The following GMDS variants were observed in gnomAD, a reference collection of about 807,000 sequenced individuals.
GMDS encodes GDP-mannose 4,6 dehydratase.
In GMDS, 20 loss-of-function variants were observed where a neutral mutation model predicts 49.9. The observed-to-expected ratio is 0.40, with a 90% CI of 0.28 to 0.58. The LOEUF is 0.58. Among genes scored for constraint, GMDS ranks in the 20% least tolerant of loss-of-function variants. GMDS has a pLI of 0.42. For synonymous variants in GMDS, 177 were observed against 178.6 expected (o/e 0.99, Z 0.07); for missense variants, 362 against 481.4 (o/e 0.75, Z 2.32).
rs555158569 is a variant in GMDS at position 1,833,157 on chromosome 6, T to C, written c.772-90571A>G. Among the ~76,000 whole-genome samples the C allele has an allele frequency of 1.4e-5, 2 of 143,646 alleles. No individual in the cohort carries two copies. Among genetic ancestry groups the C allele is most frequent in the Admixed American group, 7.2e-5 (1 of 13,844 alleles). The allele number at this position is 143,646 out of a possible 152,430, so 94.2% of individuals were successfully genotyped here. On this transcript the variant is annotated intron_variant, in intron 7 of 10. Coordinates refer to ENST00000380815, the MANE Select transcript of GMDS (RefSeq NM_001500.4). This position sits in a 1 kb window ranked among gnomAD's most constrained non-coding sequence, Gnocchi z 4.4. ...TTTTTTTTTTTTTTTTTTAAACTAA[T>C]GCACTGGAAGGGGGCAAAGGGTGGC...
chr6:1,846,158 T>A, intron 7 of GMDS, among the ~76,000 whole-genome samples: 1 of 143,640 alleles, frequency 7.0e-6, no homozygotes, highest in Admixed American at 7.2e-5. Context: ...AGTGCCACAA[T>A]CACAGCTCAA....
rs184806605 is a variant in GMDS, at chr6:1,826,807, C to T, written c.772-84221G>A. The stretch of plus-strand genomic sequence containing the variant: ...TCTGGCTGGGTGTGGTGGCTCATGC[C>T]TGTAATACCAGTGTTTAGAGAGGCT... On this transcript the variant is annotated intron_variant, in intron 7 of 10. Transcript: ENST00000380815. Among the ~76,000 whole-genome samples, 14 of 152,106 alleles carry T rather than the reference C, an allele frequency of 9.2e-5. No individual in the cohort carries two copies. The East Asian group carries it at 2.7e-3, about 29-fold the overall frequency.
intron 7 of GMDS, among the ~76,000 whole-genome samples, chr6:1,908,735 T>C (rs561760428): frequency 6.6e-6 from 1 of 152,336 alleles, no homozygotes; most frequent in African/African-American, 2.4e-5. Flanking sequence ...GGTAAGCTCT[T>C]CCCTACGGCT....
intron 9 of GMDS, among the ~76,000 whole-genome samples, chr6:1,654,397 G>C (rs1342837000): frequency 1.3e-5 from 2 of 152,184 alleles, no homozygotes; most frequent in Non-Finnish European, 2.9e-5. Flanking sequence ...ACAGACTGTG[G>C]TAATATTTGC....
chr6:1,850,476 T>C (rs1172912128), intron 7 of GMDS, among the ~76,000 whole-genome samples: 2 of 152,230 alleles, frequency 1.3e-5, no homozygotes, highest in African/African-American at 4.8e-5. Context: ...TCAGTGTATT[T>C]GATGAGCCTT....
chr6:1,976,188 G>T (rs111727193), intron 4 of GMDS, among the ~76,000 whole-genome samples: 7 of 132,524 alleles, frequency 5.3e-5, no homozygotes, highest in African/African-American at 1.8e-4. Flanking sequence ...CCTGAATGAG[G>T]GTATACTCTT....
intron 9 of GMDS, among the ~76,000 whole-genome samples, chr6:1,687,551 CACCGTCCTTCTCCTGTGTTCCAGG>C: frequency 3.1e-4 from 1 of 3,182 alleles, no homozygotes; most frequent in Non-Finnish European, 1.0e-3. Flanking sequence ...GTGTTCCAGG[CACCGTCCTTCTCCTGTGTTCCAGG>C]CACCGTCCTT....
intron 7 of GMDS, among the ~76,000 whole-genome samples, chr6:1,897,867 C>T (rs1331958516): frequency 6.6e-6 from 1 of 152,236 alleles, no homozygotes; most frequent in East Asian, 1.9e-4. Context: ...GCAAAAGAAG[C>T]TCCTGATAAC....
intron 7 of GMDS, among the ~76,000 whole-genome samples, chr6:1,909,014 G>A (rs999660762): frequency 3.9e-5 from 6 of 152,266 alleles, no homozygotes; most frequent in South Asian, 2.1e-4. Context: ...AAAAGGCTAC[G>A]TAGATGAAAG....
At chr6:1,921,239 C>T (rs926487825) in intron 7 of GMDS, among the ~76,000 whole-genome samples, 1 of 152,190 alleles carries the variant, frequency 6.6e-6, no homozygotes, top group African/African-American at 2.4e-5. Flanking sequence ...ATGACATATG[C>T]TCAATTTTAT....
chr6:1,660,784 T>C (rs1418150312), intron 9 of GMDS, among the ~76,000 whole-genome samples: 3 of 145,132 alleles, frequency 2.1e-5, no homozygotes, highest in Non-Finnish European at 3.0e-5. Flanking sequence ...CAATACGAGA[T>C]GACAGGAGAT....
chr6:1,891,255 C>G (rs1353166601), intron 7 of GMDS, among the ~76,000 whole-genome samples: 1 of 152,180 alleles, frequency 6.6e-6, no homozygotes, highest in African/African-American at 2.4e-5. Flanking sequence ...CAAATCCTCA[C>G]TACTGCTGTC....
rs763635235 is a variant in GMDS at position 1,742,503 on chromosome 6, G to T, written c.855C>A (p.Val285=). Residue 285 remains valine, a synonymous_variant, in exon 8 of 11, where the codon GTC becomes GTA. Coordinates refer to ENST00000380815, the MANE Select transcript of GMDS (RefSeq NM_001500.4). The stretch of plus-strand genomic sequence containing the variant: ...TTCCAATGTGCAAGAATGATTTCTC[G>T]ACAAATTCCCGGACACTATGGACCT... ...TGEVHSVREF[V]EKSFLHIGKT... is the part of the protein sequence containing the mutation. The T allele has an allele frequency of 9.3e-6, 15 of 1,609,434 alleles. No individual in the cohort carries two copies. The highest frequency in any genetic ancestry group is 1.2e-5 in the Non-Finnish European group (14 of 1,176,014).
intron 4 of GMDS, among the ~76,000 whole-genome samples, chr6:2,032,116 C>T (rs1769000866): frequency 6.6e-6 from 1 of 152,094 alleles, no homozygotes; most frequent in East Asian, 1.9e-4. Flanking sequence ...AATAAAATCC[C>T]AGCAAAAGAT....
At chr6:1,680,869 G>T (rs191001551) in intron 9 of GMDS, among the ~76,000 whole-genome samples, 1 of 152,274 alleles carries the variant, frequency 6.6e-6, no homozygotes. Context: ...TGACCTAAAA[G>T]GCAGCTTTTC....
chr6:1,866,292 A>C (rs2281760), intron 7 of GMDS, among the ~76,000 whole-genome samples: 70,603 of 152,184 alleles, frequency 0.46, 19,856 homozygotes, highest in Non-Finnish European at 0.63. Flanking sequence ...TGAATCTGCA[A>C]TGCTGCAGAG....
At chr6:1,723,243 C>G (rs1766448465) in intron 9 of GMDS, among the ~76,000 whole-genome samples, 1 of 150,162 alleles carries the variant, frequency 6.7e-6, no homozygotes, top group African/African-American at 2.5e-5. Context: ...ATATAAAGCT[C>G]TATTTCCCTT....
At chr6:2,097,847 A>T (rs1378099001) in intron 4 of GMDS, among the ~76,000 whole-genome samples, 1 of 152,138 alleles carries the variant, frequency 6.6e-6, no homozygotes, top group Non-Finnish European at 1.5e-5. Context: ...AACAAAAGAA[A>T]CATGTCAAAT....
chr6:1,913,259 T>C (rs1761168055), intron 7 of GMDS, among the ~76,000 whole-genome samples: 1 of 150,612 alleles, frequency 6.6e-6, no homozygotes, highest in South Asian at 2.1e-4. Flanking sequence ...CGGGCGCCTG[T>C]AGTCCCAGCT....
Sources: allele counts gnomAD v4.1 joint callset (sites outside exome capture counted in the v4.1 genomes callset), GRCh38; gene constraint gnomAD v4.1.1; non-coding constraint Gnocchi (gnomAD v3.1); transcripts MANE v1.5; gene names NCBI Gene and HGNC (gene_info 2026-07-23, HGNC 2026-07-21).